The following SNTG2 variants were observed in gnomAD, a reference collection of about 807,000 sequenced individuals.
SNTG2 encodes the protein gamma-2-syntrophin.
A neutral mutation model predicts 70.9 loss-of-function variants in SNTG2; 74 were observed. The observed-to-expected ratio is 1.04, with a 90% CI of 0.86 to 1.27. The LOEUF is 1.27. Ranked by LOEUF, SNTG2 falls within the 50% of genes most tolerant of loss-of-function variation. The pLI, the probability that SNTG2 is intolerant of heterozygous loss-of-function variation, is 0.00. For missense variants in SNTG2, 717 were observed against 690.7 expected (o/e 1.04, Z -0.43); for synonymous variants, 278 against 273.8 (o/e 1.02, Z -0.15).
chr2:959,571 G>A (rs1440430499), intron 1 of SNTG2, among the ~76,000 whole-genome samples: 1 of 151,834 alleles, frequency 6.6e-6, no homozygotes, highest in African/African-American at 2.4e-5. Context: ...CTGGGGGTGT[G>A]GTGTTCCCGC....
At chr2:1,255,431 A>G (rs1307804178) in intron 12 of SNTG2, among the ~76,000 whole-genome samples, 5 of 152,156 alleles carry the variant, frequency 3.3e-5, no homozygotes, top group Non-Finnish European at 7.4e-5. Flanking sequence ...GTGATATGGC[A>G]GGTCTGGTGC....
intron 1 of SNTG2, among the ~76,000 whole-genome samples, chr2:1,012,301 ATC>A (rs1659750820): frequency 6.6e-6 from 1 of 152,312 alleles, no homozygotes; most frequent in Admixed American, 6.5e-5. Flanking sequence ...AACGTTGTTC[ATC>A]TCTGTTTCTA....
rs139449230 is a variant in SNTG2, at chr2:1,266,652, C to T, written c.1078-713C>T. On this transcript the variant is annotated intron_variant, in intron 13 of 16. Coordinates refer to ENST00000308624, the MANE Select transcript of SNTG2 (RefSeq NM_018968.4). ...CAGTAATTCTATAGAGACTCGGAGG[C>T]GCAGGGGGCACGCTTAGTTAGAGTG... Among the ~76,000 whole-genome samples the T allele has an allele frequency of 3.0e-4, 45 of 151,572 alleles. No homozygotes were observed. In the East Asian group the frequency reaches 5.3e-3, roughly 18 times the overall value.
intron 1 of SNTG2, among the ~76,000 whole-genome samples, chr2:1,048,004 TATG>T (rs10532198): frequency 0.074 from 11,330 of 152,262 alleles, 678 homozygotes; most frequent in Admixed American, 0.2. Context: ...AGGAAATTCT[TATG>T]ATTATTTATC....
At chr2:1,357,974 A>G (rs1333828206) in intron 16 of SNTG2, among the ~76,000 whole-genome samples, 2 of 151,932 alleles carry the variant, frequency 1.3e-5, no homozygotes, top group East Asian at 3.9e-4. Flanking sequence ...TATTTCTTAT[A>G]CTTTTGGACT....
intron 1 of SNTG2, among the ~76,000 whole-genome samples, chr2:1,072,348 TC>T (rs770297120): frequency 0.13 from 5,531 of 42,004 alleles, 243 homozygotes; most frequent in South Asian, 0.36. Flanking sequence ...TTTTTCTTTT[TC>T]TTTTTTTTTT....
At position 1,052,736 on chromosome 2, in the gene SNTG2, G is replaced by A. The variant is rs189493552; in HGVS notation, c.73-30782G>A. On this transcript the variant is annotated intron_variant, in intron 1 of 16. Transcript: ENST00000308624. ...CTTTCGTGGAAGCAGGTGAAGGGCC[G>A]TGGCTGTGTTCCAATAAAACTTGAT... 1.4e-4 allele frequency among the ~76,000 whole-genome samples: 21 copies of A among 152,302 alleles called. No homozygotes were observed. The East Asian group carries it at 1.5e-3, about 11-fold the overall frequency.
intron 8 of SNTG2, among the ~76,000 whole-genome samples, chr2:1,205,381 C>T (rs192061335): frequency 3.9e-5 from 6 of 152,304 alleles, no homozygotes; most frequent in Non-Finnish European, 2.9e-5. Context: ...CTCTAGAGAT[C>T]CACCTCCATT....
At chr2:1,067,492 T>G (rs1663234120) in intron 1 of SNTG2, among the ~76,000 whole-genome samples, 1 of 152,234 alleles carries the variant, frequency 6.6e-6, no homozygotes, top group Admixed American at 6.5e-5. Context: ...GTAAAATCAG[T>G]TAATAACATT....
intron 4 of SNTG2, among the ~76,000 whole-genome samples, chr2:1,104,125 G>A (rs772552032): frequency 2.6e-5 from 4 of 152,214 alleles, no homozygotes; most frequent in Non-Finnish European, 5.9e-5. Context: ...GGACAGACAT[G>A]CAAATGGCAG....
intron 2 of SNTG2, among the ~76,000 whole-genome samples, chr2:1,090,987 TAGAG>T (rs1026670481): frequency 6.6e-6 from 1 of 152,166 alleles, no homozygotes; most frequent in African/African-American, 2.4e-5. Flanking sequence ...ATGATCATTT[TAGAG>T]AGAAAGTGTA....
chr2:1,193,743 T>C (rs185659180), intron 8 of SNTG2, among the ~76,000 whole-genome samples: 68 of 152,380 alleles, frequency 4.5e-4, no homozygotes, highest in African/African-American at 1.6e-3. Flanking sequence ...TTTATTTTTA[T>C]AAAGACCAAG....
intron 1 of SNTG2, among the ~76,000 whole-genome samples, chr2:1,056,345 G>C (rs185286724): frequency 1.5e-5 from 1 of 64,626 alleles, no homozygotes; most frequent in African/African-American, 6.4e-5. Context: ...GGAGGGAGAG[G>C]GCGGCGCCCC....
chr2:1,237,338 T>C (rs566344350), intron 9 of SNTG2, among the ~76,000 whole-genome samples: 3 of 152,324 alleles, frequency 2.0e-5, no homozygotes, highest in African/African-American at 4.8e-5. Context: ...TTAAAAAATA[T>C]TGCATGACAG....
chr2:1,195,596 A>G (rs1174432672), intron 8 of SNTG2, among the ~76,000 whole-genome samples: 5 of 152,092 alleles, frequency 3.3e-5, no homozygotes, highest in Non-Finnish European at 1.5e-5. Context: ...AAATCTGTTT[A>G]AGTTCTTTGT....
intron 9 of SNTG2, chr2:1,210,440 C>T (rs1427227541): frequency 6.6e-6 from 1 of 152,138 alleles, no homozygotes; most frequent in African/African-American, 2.4e-5. Flanking sequence ...CCACATATGC[C>T]ATGGTGGTCC....
intron 16 of SNTG2, among the ~76,000 whole-genome samples, chr2:1,361,094 T>A (rs995249134): frequency 1.3e-5 from 2 of 152,342 alleles, no homozygotes; most frequent in Middle Eastern, 3.4e-3. Flanking sequence ...GGTCCAAGCC[T>A]CAGTGCTTTT....
intron 14 of SNTG2, among the ~76,000 whole-genome samples, chr2:1,294,605 C>G (rs886700067): frequency 1.3e-5 from 2 of 152,192 alleles, no homozygotes; most frequent in Non-Finnish European, 2.9e-5. Flanking sequence ...GGAACTCACT[C>G]TCTGCTACTT....
At chr2:1,280,058 CTTAAA>C (rs1309843810) in intron 14 of SNTG2, among the ~76,000 whole-genome samples, 4 of 152,034 alleles carry the variant, frequency 2.6e-5, no homozygotes, top group Admixed American at 2.0e-4. Context: ...TTCTTACAAG[CTTAAA>C]TTAATTTTCT....
Sources: gnomAD v4.1 joint callset for allele counts (sites outside exome capture counted in the v4.1 genomes callset) on GRCh38, gnomAD v4.1.1 for gene constraint, MANE v1.5 for transcripts, NCBI Gene and HGNC (gene_info 2026-07-23, HGNC 2026-07-21) for gene names.